Variants in ALK observed in about 807,000 individuals in gnomAD.
The protein encoded by ALK is ALK receptor tyrosine kinase, also known as ALK tyrosine kinase receptor.
Under a neutral mutation model 163.1 loss-of-function variants are expected in ALK, and 74 were observed. The ratio of observed to expected loss-of-function variants is 0.45; its 90% CI spans 0.38 to 0.55. ALK has a LOEUF of 0.55. Among genes scored for constraint, ALK ranks in the 20% least tolerant of loss-of-function variants. The probability of loss-of-function intolerance (pLI) is 0.00; values close to 1 mark genes in which losing one functional copy is unlikely to be tolerated. For synonymous variants in ALK, 960 were observed against 843.2 expected, an observed-to-expected ratio of 1.14 and a Z score of -2.40; for missense variants, 2,063 against 2,105.3, an observed-to-expected ratio of 0.98 and a Z score of 0.39.
At chr2:29,871,530 A>G (rs1666576017) in intron 1 of ALK, among the ~76,000 whole-genome samples, 1 of 152,232 alleles carries the variant, frequency 6.6e-6, no homozygotes, top group African/African-American at 2.4e-5. Flanking sequence ...AAATCAAATC[A>G]GAGCATGCCC....
At chr2:29,787,110 T>C (rs1664054046) in intron 1 of ALK, among the ~76,000 whole-genome samples, 1 of 152,206 alleles carries the variant, frequency 6.6e-6, no homozygotes, top group Non-Finnish European at 1.5e-5. Flanking sequence ...TGGGAGTTTT[T>C]TGAAAGGGAA....
intron 3 of ALK, among the ~76,000 whole-genome samples, chr2:29,664,055 CTTTCCCAGTT>C (rs1677434035): frequency 6.6e-6 from 1 of 152,150 alleles, no homozygotes; most frequent in South Asian, 2.1e-4. Context: ...ATTAGTACAG[CTTTCCCAGTT>C]CTTCCCAGGT....
intron 3 of ALK, among the ~76,000 whole-genome samples, chr2:29,622,702 G>T (rs1287091059): frequency 6.6e-6 from 1 of 152,244 alleles, no homozygotes; most frequent in South Asian, 2.1e-4. Flanking sequence ...GTTCCTTGAA[G>T]TTCCACAGTT....
intron 3 of ALK, among the ~76,000 whole-genome samples, chr2:29,539,309 T>C (rs1057243102): frequency 2.6e-5 from 4 of 152,202 alleles, no homozygotes; most frequent in Admixed American, 6.5e-5. Flanking sequence ...CTCTCTTGCA[T>C]TGTTACTTGT....
intron 1 of ALK, among the ~76,000 whole-genome samples, chr2:29,840,452 AAC>A (rs1276511461): frequency 7.9e-5 from 12 of 152,310 alleles, no homozygotes; most frequent in African/African-American, 2.9e-4. Context: ...TCAGTCTAGT[AAC>A]AGTTAGTAAT....
chr2:29,405,427 G>C (rs901790362), intron 4 of ALK, among the ~76,000 whole-genome samples: 1 of 152,172 alleles, frequency 6.6e-6, no homozygotes, highest in Non-Finnish European at 1.5e-5. Flanking sequence ...AAAGGAGGCA[G>C]AACAGCTGTT....
At chr2:29,278,989 G>T (rs1422170808) in intron 9 of ALK, among the ~76,000 whole-genome samples, 3 of 152,224 alleles carry the variant, frequency 2.0e-5, no homozygotes, top group African/African-American at 7.2e-5. Flanking sequence ...TGGGGGGGGG[G>T]ACAGAATCGC....
intron 1 of ALK, among the ~76,000 whole-genome samples, chr2:29,852,891 T>C (rs983460593): frequency 6.6e-6 from 1 of 151,130 alleles, no homozygotes; most frequent in Non-Finnish European, 1.5e-5. Context: ...CATGTGAAGA[T>C]ACAACCAGAA....
chr2:29,753,374 G>C lies in ALK; in HGVS notation c.668-35677C>G, dbSNP rs990910949. Among the ~76,000 whole-genome samples, 15 of 152,136 alleles carry C rather than the reference G, an allele frequency of 9.9e-5. No homozygotes were observed. The East Asian group carries it at 1.5e-3, about 16-fold the overall frequency. ...CGACAAAGACCCAAGGGTAAGTTACGGGGGGGAGCACGACCACTGTGAGCT... is the reference window on the plus strand; with the variant it reads ...CGACAAAGACCCAAGGGTAAGTTACCGGGGGGAGCACGACCACTGTGAGCT... On this transcript the variant is annotated intron_variant, in intron 1 of 28. Transcript: ENST00000389048.
intron 4 of ALK, among the ~76,000 whole-genome samples, chr2:29,394,865 A>G (rs1186781453): frequency 1.3e-5 from 2 of 151,856 alleles, no homozygotes; most frequent in Non-Finnish European, 2.9e-5. Flanking sequence ...AAGTCAATGC[A>G]GTAGGTTTTT....
At chr2:29,329,442 C>T (rs1462967831) in intron 5 of ALK, among the ~76,000 whole-genome samples, 1 of 152,166 alleles carries the variant, frequency 6.6e-6, no homozygotes, top group Non-Finnish European at 1.5e-5. Flanking sequence ...AGACTCTGGC[C>T]CCTGTGGAGA....
chr2:29,236,839 T>C (rs924014023), intron 13 of ALK, among the ~76,000 whole-genome samples: 1 of 152,202 alleles, frequency 6.6e-6, no homozygotes. Context: ...CTGTCTCAAA[T>C]TTATGCTAAT....
chr2:29,298,122 A>G (rs1009477361), intron 8 of ALK, among the ~76,000 whole-genome samples: 3 of 152,118 alleles, frequency 2.0e-5, no homozygotes, highest in African/African-American at 7.2e-5. Context: ...CAAACTTCCC[A>G]CTTTCTTGCA....
At chr2:29,472,294 C>A (rs545645575) in intron 4 of ALK, among the ~76,000 whole-genome samples, 2 of 152,336 alleles carry the variant, frequency 1.3e-5, no homozygotes, top group African/African-American at 4.8e-5. Context: ...CATTGTGAAG[C>A]AGGGGCAAGC....
chr2:29,858,725 A>AACATGATCAATGACGTGC (rs1666207950), intron 1 of ALK, among the ~76,000 whole-genome samples: 2 of 151,958 alleles, frequency 1.3e-5, no homozygotes, highest in South Asian at 4.2e-4. Context: ...CCTGGGCGAC[A>AACATGATCAATGACGTGC]GAGCAAGACT....
At chr2:29,891,551 A>T (rs1453128691) in intron 1 of ALK, among the ~76,000 whole-genome samples, 1 of 152,162 alleles carries the variant, frequency 6.6e-6, no homozygotes, top group Non-Finnish European at 1.5e-5. Context: ...CTTAGAGATC[A>T]CTCTATCCCA....
intron 2 of ALK, among the ~76,000 whole-genome samples, chr2:29,712,339 A>G (rs1465264128): frequency 6.6e-6 from 1 of 152,232 alleles, no homozygotes; most frequent in Non-Finnish European, 1.5e-5. Context: ...CCCCTAGCTC[A>G]GTGGAGCAAG....
At chr2:29,327,833 G>C (rs1441215521) in intron 6 of ALK, among the ~76,000 whole-genome samples, 8 of 152,196 alleles carry the variant, frequency 5.3e-5, no homozygotes, top group African/African-American at 1.9e-4. Context: ...GATGGCCAGG[G>C]AGGCTTTCTG....
chr2:29,346,526 G>T (rs1227129063), intron 5 of ALK, among the ~76,000 whole-genome samples: 1 of 152,204 alleles, frequency 6.6e-6, no homozygotes, highest in East Asian at 1.9e-4. Flanking sequence ...ACCAGGCTGG[G>T]GCGAGGTTTC....
Sources: gnomAD v4.1 joint callset for allele counts (sites outside exome capture counted in the v4.1 genomes callset) on GRCh38, gnomAD v4.1.1 for gene constraint, MANE v1.5 for transcripts, NCBI Gene and HGNC (gene_info 2026-07-23, HGNC 2026-07-21) for gene names.